Variants in PLA1A observed in about 807,000 individuals in gnomAD.
PLA1A encodes phosphatidylserine-specific phospholipase A1alpha.
A neutral mutation model predicts 49.4 loss-of-function variants in PLA1A; 47 were observed. The ratio of observed to expected loss-of-function variants is 0.95; its 90% CI spans 0.75 to 1.21. The LOEUF (loss-of-function observed/expected upper bound fraction) is 1.21. Ranked by LOEUF, PLA1A falls within the 50% of genes most tolerant of loss-of-function variation. PLA1A has a pLI of 0.00. For synonymous variants in PLA1A, 224 were observed against 207.9 expected, an observed-to-expected ratio of 1.08 and a Z score of -0.67; for missense variants, 561 against 563.9, an observed-to-expected ratio of 0.99 and a Z score of 0.05.
At chr3:119,620,192 C>T (rs2082910732) in intron 8 of PLA1A, 2 of 456,124 alleles carry the variant, frequency 4.4e-6, no homozygotes, top group Non-Finnish European at 4.4e-6. Flanking sequence ...CCATGAAATA[C>T]ATTACAAGCT....
chr3:119,609,985 C>A (rs142107045), intron 4 of PLA1A, among the ~76,000 whole-genome samples: 1 of 152,132 alleles, frequency 6.6e-6, no homozygotes, highest in Non-Finnish European at 1.5e-5. Context: ...TTTTCCTCCC[C>A]CTTTTGAAAT....
chr3:119,597,888 C>T lies in PLA1A; in HGVS notation c.-26C>T, dbSNP rs746010145. The stretch of plus-strand genomic sequence containing the variant: ...TTTGGCTTTAGGGAATTACTCCATA[C>T]CAGCTCTGAGATTTCCAGCTCAGCG... On this transcript the variant is annotated 5_prime_UTR_variant, in exon 1 of 11. Coordinates refer to ENST00000273371, the MANE Select transcript of PLA1A (RefSeq NM_015900.4). The T allele has an allele frequency of 1.3e-6, 2 of 1,533,558 alleles. No homozygotes were observed. Among genetic ancestry groups the T allele is most frequent in the South Asian group, 2.3e-5 (2 of 86,394 alleles). The allele number at this position is 1,533,558 out of a possible 1,614,324, so 95.0% of individuals were successfully genotyped here.
Position 119,608,923 on chromosome 3 carries a change from C to G in PLA1A, c.429C>G (p.Ile143Met). Residue 143 changes from isoleucine (I) to methionine (M), a missense_variant, in exon 3 of 11, where the codon ATC becomes ATG. Coordinates refer to ENST00000273371, the MANE Select transcript of PLA1A (RefSeq NM_015900.4). The part of the protein sequence containing the change: ...VKNVIKLSLE[I>M]SLFLNKLLVL... ...ATGTGATTAAGTTGAGCCTCGAGAT[C>G]TCCCTTTTCCTCAATAAACTCCTGG... 1 of 1,614,050 alleles carries G rather than the reference C, an allele frequency of 6.2e-7. No homozygotes were observed. The highest frequency in any genetic ancestry group is 8.5e-7 in the Non-Finnish European group (1 of 1,179,906).
intron 8 of PLA1A, among the ~76,000 whole-genome samples, chr3:119,621,301 C>G (rs1260855183): frequency 3.3e-5 from 5 of 152,208 alleles, no homozygotes; most frequent in Admixed American, 6.5e-5. Flanking sequence ...GTGAGACCAC[C>G]TCCCCACACC....
chr3:119,619,705 G>A lies in PLA1A; in HGVS notation c.1012+53G>A. 4.2e-6 allele frequency: 5 copies of A among 1,192,866 alleles called. No individual in the cohort carries two copies. In the South Asian group the frequency reaches 6.1e-5, roughly 14 times the overall value. 73.9% of individuals were successfully genotyped at this position (1,192,866 alleles called of 1,614,324 possible). A position where few individuals can be genotyped will look rare whatever the true frequency, so the allele number is the denominator to read the frequency against. Reference sequence around the variant, plus strand: ...GCTCTGCCAGGGCACCACCAGAGGAGTCCAGCCCAGTGTGGTAGCCTGGGT... The same window carrying A: ...GCTCTGCCAGGGCACCACCAGAGGAATCCAGCCCAGTGTGGTAGCCTGGGT... On this transcript the variant is annotated intron_variant, in intron 8 of 10. Coordinates refer to ENST00000273371, the MANE Select transcript of PLA1A (RefSeq NM_015900.4).
chr3:119,611,666 A>G (rs1356478080), intron 4 of PLA1A, among the ~76,000 whole-genome samples: 2 of 152,086 alleles, frequency 1.3e-5, no homozygotes, highest in African/African-American at 4.8e-5. Context: ...CTTGAATGTT[A>G]TTGGTACATA....
At chr3:119,601,861 G>A (rs537382665) in intron 1 of PLA1A, among the ~76,000 whole-genome samples, 26 of 152,134 alleles carry the variant, frequency 1.7e-4, no homozygotes, top group Non-Finnish European at 3.4e-4. Flanking sequence ...ATGTTAAAGA[G>A]GGTTGAATTT....
At chr3:119,608,190 A>G (rs1309012277) in intron 2 of PLA1A, among the ~76,000 whole-genome samples, 1 of 138,972 alleles carries the variant, frequency 7.2e-6, no homozygotes, top group African/African-American at 2.7e-5. Context: ...AAGAGAAAGG[A>G]AGAAAGGAAA....
At chr3:119,604,761 T>C (rs1489407258) in intron 1 of PLA1A, among the ~76,000 whole-genome samples, 1 of 152,190 alleles carries the variant, frequency 6.6e-6, no homozygotes, top group East Asian at 1.9e-4. Context: ...TTCAGCAATA[T>C]GTGTCCATGA....
At chr3:119,602,636 C>G (rs1057447722) in intron 1 of PLA1A, among the ~76,000 whole-genome samples, 6 of 152,066 alleles carry the variant, frequency 3.9e-5, no homozygotes, top group Non-Finnish European at 8.8e-5. Context: ...CTATTTTAGG[C>G]AGTAGAGTGA....
In PLA1A at chr3:119,608,565, A is replaced by G. The variant is rs555828448; in HGVS notation, c.276-205A>G. 6.6e-5 allele frequency among the ~76,000 whole-genome samples: 10 copies of G among 152,330 alleles called. No homozygotes were observed. In the East Asian group the frequency reaches 1.5e-3, roughly 24 times the overall value. On this transcript the variant is annotated intron_variant, in intron 2 of 10. Transcript: ENST00000273371. The stretch of plus-strand genomic sequence containing the variant: ...AAAGGCAAAGTTTTATAATTTACAC[A>G]AAGACTGCATATGTGCTGGCGGAAG...
intron 9 of PLA1A, among the ~76,000 whole-genome samples, chr3:119,628,096 A>T (rs2052569234): frequency 1.3e-5 from 2 of 152,184 alleles, no homozygotes; most frequent in Admixed American, 6.5e-5. Flanking sequence ...TATGAACCAA[A>T]CCCTACGGTT....
chr3:119,628,815 G>C lies in PLA1A; in HGVS notation c.1236G>C (p.Arg412=). The part of the protein sequence containing the change: ...QSSNRVWKKD[R]TTIIGKFCTA... The stretch of plus-strand genomic sequence containing the variant: ...CCAACCGAGTTTGGAAAAAAGACCG[G>C]ACTACCATTATTGGGAAGTTCTGCA... The change falls in exon 10 of 11, where the codon CGG becomes CGC. Residue 412 remains arginine, a synonymous_variant. Coordinates refer to ENST00000273371, the MANE Select transcript of PLA1A (RefSeq NM_015900.4). 6 of 1,614,088 alleles carry C rather than the reference G, an allele frequency of 3.7e-6. No individual in the cohort carries two copies. Among genetic ancestry groups the C allele is most frequent in the Non-Finnish European group, 5.1e-6 (6 of 1,179,950 alleles).
chr3:119,625,945 C>T (rs1291113934), intron 9 of PLA1A, among the ~76,000 whole-genome samples: 2 of 152,120 alleles, frequency 1.3e-5, no homozygotes, highest in Non-Finnish European at 2.9e-5. Flanking sequence ...ATTCACAAGC[C>T]AGCGGGAGAC....
intron 2 of PLA1A, among the ~76,000 whole-genome samples, chr3:119,608,502 T>C (rs972913267): frequency 6.6e-6 from 1 of 152,200 alleles, no homozygotes; most frequent in African/African-American, 2.4e-5. Flanking sequence ...CCAAGCTAAG[T>C]TCTGAACCCT....
chr3:119,601,501 GC>G (rs774507265), intron 1 of PLA1A, among the ~76,000 whole-genome samples: 3 of 152,168 alleles, frequency 2.0e-5, no homozygotes, highest in African/African-American at 4.8e-5. Context: ...ATTTCATTCT[GC>G]ACCCCTCATT....
chr3:119,603,002 G>T (rs578055772), intron 1 of PLA1A, among the ~76,000 whole-genome samples: 1 of 152,330 alleles, frequency 6.6e-6, no homozygotes, highest in South Asian at 2.1e-4. Context: ...GGAAGGGCAA[G>T]GAGAACTACT....
At chr3:119,620,078 G>A (rs1252163826) in intron 8 of PLA1A, 1 of 458,042 alleles carries the variant, frequency 2.2e-6, no homozygotes, top group African/African-American at 2.0e-5. Context: ...CTTCACAGAT[G>A]CATTCCAGCT....
chr3:119,604,769 T>C (rs2082664370), intron 1 of PLA1A, among the ~76,000 whole-genome samples: 1 of 152,202 alleles, frequency 6.6e-6, no homozygotes, highest in African/African-American at 2.4e-5. Context: ...TATGTGTCCA[T>C]GAGGAATTGT....
Sources: gnomAD v4.1 joint callset for allele counts (sites outside exome capture counted in the v4.1 genomes callset) on GRCh38, gnomAD v4.1.1 for gene constraint, MANE v1.5 for transcripts, NCBI Gene and HGNC (gene_info 2026-07-23, HGNC 2026-07-21) for gene names.